CNTN5: variants seen among roughly 807,000 people sequenced by gnomAD.
The protein encoded by CNTN5 is contactin-5.
Under a neutral mutation model 129.1 loss-of-function variants are expected in CNTN5, and 77 were observed. The observed-to-expected ratio is 0.60, with a 90% CI of 0.50 to 0.72. The LOEUF is 0.72. Ranked by LOEUF, CNTN5 falls within the 30% of genes least tolerant of loss-of-function variation. CNTN5 has a pLI of 0.00. For synonymous variants in CNTN5, 509 were observed against 465.6 expected, an observed-to-expected ratio of 1.09 and a Z score of -1.20; for missense variants, 1,478 against 1,328.8, an observed-to-expected ratio of 1.11 and a Z score of -1.75.
chr11:99,899,808 C>T (rs2120167), intron 6 of CNTN5, among the ~76,000 whole-genome samples: 13,515 of 151,794 alleles, frequency 0.089, 1,320 homozygotes, highest in African/African-American at 0.24. Context: ...AGGTTGGTAC[C>T]GGCTTTTCTT....
intron 8 of CNTN5, among the ~76,000 whole-genome samples, chr11:99,985,650 C>G (rs1453585): frequency 0.99 from 150,672 of 152,298 alleles, 74,552 homozygotes; most frequent in Middle Eastern, 1. Context: ...CACCAGGGAC[C>G]TATCCCTGTC....
chr11:99,229,188 A>G (rs1054898300), intron 1 of CNTN5, among the ~76,000 whole-genome samples: 1 of 152,106 alleles, frequency 6.6e-6, no homozygotes, highest in Admixed American at 6.6e-5. Context: ...AAATGAACTC[A>G]TAAAAATTTT....
intron 1 of CNTN5, among the ~76,000 whole-genome samples, chr11:99,026,901 T>C (rs1234010915): frequency 6.6e-6 from 1 of 151,576 alleles, no homozygotes; most frequent in Non-Finnish European, 1.5e-5. Flanking sequence ...TAAATATATG[T>C]AATTTCCTTG....
In CNTN5 at chr11:99,737,138, CACACAA is replaced by C. The variant is rs539677283; in HGVS notation, c.56-82400_56-82395del. Among the ~76,000 whole-genome samples the C allele has an allele frequency of 3.1e-3, 450 of 146,096 alleles. 1 individual carries two copies. The highest frequency in any genetic ancestry group is 0.012 in the African/African-American group (426 of 36,200). ...CCACCCTGTAACACACATGCACACA[CACACAA>C]ACACACACACACACACACGCACACG... is the stretch of plus-strand genomic sequence containing the variant. On this transcript the variant is annotated intron_variant, in intron 3 of 24. Coordinates refer to ENST00000524871, the MANE Select transcript of CNTN5 (RefSeq NM_014361.4).
At chr11:99,432,299 A>T (rs934822784) in intron 2 of CNTN5, among the ~76,000 whole-genome samples, 4 of 152,138 alleles carry the variant, frequency 2.6e-5, no homozygotes, top group Non-Finnish European at 5.9e-5. Flanking sequence ...CAATTAAGAG[A>T]TATAAATTGA....
At chr11:100,044,041 C>G (rs1390489043) in intron 9 of CNTN5, among the ~76,000 whole-genome samples, 1 of 149,498 alleles carries the variant, frequency 6.7e-6, no homozygotes, top group African/African-American at 2.5e-5. Context: ...CTTTCTCACC[C>G]CCTCCCACCC....
chr11:99,606,839 C>A (rs1950434216), intron 3 of CNTN5, among the ~76,000 whole-genome samples: 1 of 138,446 alleles, frequency 7.2e-6, no homozygotes, highest in African/African-American at 2.6e-5. Context: ...GAAAAACAAG[C>A]AATGGGGAAA....
At chr11:99,749,456 T>A (rs1330082312) in intron 3 of CNTN5, among the ~76,000 whole-genome samples, 1 of 152,200 alleles carries the variant, frequency 6.6e-6, no homozygotes, top group Non-Finnish European at 1.5e-5. Flanking sequence ...TTATATAGTC[T>A]CAGTAAATAT....
At chr11:100,280,084 A>T (rs1950602255) in intron 18 of CNTN5, among the ~76,000 whole-genome samples, 1 of 150,592 alleles carries the variant, frequency 6.6e-6, no homozygotes, top group Non-Finnish European at 1.5e-5. Flanking sequence ...ATTCAGGAGC[A>T]TTTTTTTTGT....
chr11:99,907,047 T>C (rs1483778942), intron 6 of CNTN5, among the ~76,000 whole-genome samples: 1 of 152,054 alleles, frequency 6.6e-6, no homozygotes, highest in African/African-American at 2.4e-5. Flanking sequence ...AGTGGTCTAT[T>C]TTGTTAATCT....
intron 16 of CNTN5, among the ~76,000 whole-genome samples, chr11:100,234,792 TAA>T (rs781363668): frequency 0.022 from 2,229 of 102,030 alleles, 60 homozygotes; most frequent in African/African-American, 0.075. Flanking sequence ...TCCCAGAATT[TAA>T]AAAAAAAAAA....
intron 9 of CNTN5, among the ~76,000 whole-genome samples, chr11:100,006,840 C>T (rs11222319): frequency 0.37 from 56,778 of 151,880 alleles, 12,018 homozygotes; most frequent in African/African-American, 0.57. Flanking sequence ...GGAATAATTA[C>T]CTATGGAATC....
At chr11:100,014,036 T>G (rs978342480) in intron 9 of CNTN5, among the ~76,000 whole-genome samples, 2 of 152,172 alleles carry the variant, frequency 1.3e-5, no homozygotes, top group Non-Finnish European at 2.9e-5. Context: ...AAAGATCAAT[T>G]TAGAACTTCA....
intron 17 of CNTN5, among the ~76,000 whole-genome samples, chr11:100,262,754 A>G (rs1360981770): frequency 1.3e-5 from 2 of 152,158 alleles, no homozygotes; most frequent in Non-Finnish European, 2.9e-5. Flanking sequence ...ACACATGGAC[A>G]CAGGGAGGGG....
intron 3 of CNTN5, among the ~76,000 whole-genome samples, chr11:99,579,999 C>T (rs1480034779): frequency 3.5e-5 from 5 of 144,160 alleles, no homozygotes; most frequent in East Asian, 2.1e-4. Flanking sequence ...TTTTGAGATA[C>T]GTCCCATCAA....
At chr11:99,203,002 A>G (rs1859290075) in intron 1 of CNTN5, among the ~76,000 whole-genome samples, 1 of 151,824 alleles carries the variant, frequency 6.6e-6, no homozygotes, top group Non-Finnish European at 1.5e-5. Context: ...GAGAGAGAAG[A>G]AAGGAAGGAA....
chr11:99,135,948 T>C (rs934098151), intron 1 of CNTN5, among the ~76,000 whole-genome samples: 2 of 152,172 alleles, frequency 1.3e-5, no homozygotes, highest in African/African-American at 4.8e-5. Context: ...TCACAGAAGA[T>C]ACAATAAATA....
At chr11:99,318,104 C>G (rs1324466565) in intron 1 of CNTN5, among the ~76,000 whole-genome samples, 1 of 152,056 alleles carries the variant, frequency 6.6e-6, no homozygotes, top group African/African-American at 2.4e-5. Context: ...GCATAAAAAC[C>G]CATAAATGTA....
chr11:99,629,107 G>T (rs981923379), intron 3 of CNTN5, among the ~76,000 whole-genome samples: 2 of 151,992 alleles, frequency 1.3e-5, no homozygotes, highest in African/African-American at 4.8e-5. Flanking sequence ...GTCAATGCCA[G>T]AAATTACAGG....
Sources: gnomAD v4.1 joint callset for allele counts (sites outside exome capture counted in the v4.1 genomes callset) on GRCh38, gnomAD v4.1.1 for gene constraint, MANE v1.5 for transcripts, NCBI Gene and HGNC (gene_info 2026-07-23, HGNC 2026-07-21) for gene names.